Variants in TBL1X observed in about 807,000 individuals in gnomAD.
The protein encoded by TBL1X is F-box-like/WD repeat-containing protein TBL1X.
Under a neutral mutation model 50.7 loss-of-function variants are expected in TBL1X, and 10 were observed. That is an observed-to-expected ratio of 0.20 (90% CI 0.12 to 0.33). The LOEUF is 0.33. Among genes scored for constraint, TBL1X ranks in the 10% least tolerant of loss-of-function variants. TBL1X has a pLI of 1.00. For synonymous variants in TBL1X, 190 were observed against 214.7 expected (o/e 0.88, Z 1.01); for missense variants, 340 against 504.4 (o/e 0.67, Z 3.12).
intron 1 of TBL1X, among the ~76,000 whole-genome samples, chrX:9,494,767 A>G (rs891114297): frequency 2.7e-5 from 3 of 111,425 alleles, no homozygotes; most frequent in African/African-American, 6.5e-5. Context: ...GTTAAAATCT[A>G]TTTGGTTCAT....
At chrX:9,563,932 C>G (rs369234358) in intron 2 of TBL1X, among the ~76,000 whole-genome samples, 46 of 112,488 alleles carry the variant, frequency 4.1e-4, no homozygotes, top group African/African-American at 1.4e-3. Flanking sequence ...AGAACATTAG[C>G]ATAAAGGAAG....
chrX:9,514,892 C>G (rs1405761099), intron 2 of TBL1X, among the ~76,000 whole-genome samples: 2 of 112,083 alleles, frequency 1.8e-5, no homozygotes, highest in Non-Finnish European at 3.8e-5. Flanking sequence ...GAGGATTGAG[C>G]AGAAGAGCTC....
intron 1 of TBL1X, among the ~76,000 whole-genome samples, chrX:9,480,798 GA>G (rs1172792296): frequency 1.2e-5 from 1 of 83,523 alleles, no homozygotes; most frequent in African/African-American, 5.0e-5. Flanking sequence ...TAACCTTCCA[GA>G]TATTAAATAC....
intron 2 of TBL1X, among the ~76,000 whole-genome samples, chrX:9,555,324 C>T (rs2082291363): frequency 9.0e-6 from 1 of 111,636 alleles, no homozygotes; most frequent in African/African-American, 3.3e-5. Context: ...AGCGATCCTC[C>T]TGTTTCAGCC....
chrX:9,624,704 A>G (rs1569078858), intron 2 of TBL1X, among the ~76,000 whole-genome samples: 1 of 112,072 alleles, frequency 8.9e-6, no homozygotes, highest in Non-Finnish European at 1.9e-5. Flanking sequence ...TTAGACTGGT[A>G]AAGTGGGAAT....
At chrX:9,660,510 C>T (rs1346382585) in intron 5 of TBL1X, among the ~76,000 whole-genome samples, 1 of 112,125 alleles carries the variant, frequency 8.9e-6, no homozygotes, top group Admixed American at 9.4e-5. Context: ...TCTGGCTTAG[C>T]TCTAAAGATT....
intron 5 of TBL1X, among the ~76,000 whole-genome samples, chrX:9,655,876 C>T (rs973117768): frequency 2.7e-5 from 3 of 112,218 alleles, no homozygotes; most frequent in African/African-American, 9.7e-5. Flanking sequence ...TTCATTTGAG[C>T]CTGGGTTTCC....
intron 3 of TBL1X, among the ~76,000 whole-genome samples, chrX:9,647,910 A>G (rs758641752): frequency 1.4e-4 from 16 of 111,899 alleles, no homozygotes; most frequent in Non-Finnish European, 2.6e-4. Flanking sequence ...TGGAGGAGCT[A>G]AAATACCAGC....
intron 17 of TBL1X, among the ~76,000 whole-genome samples, chrX:9,715,404 A>ATAAT (rs1156743920): frequency 9.0e-6 from 1 of 111,578 alleles, no homozygotes; most frequent in African/African-American, 3.3e-5. Flanking sequence ...AACCTAGATG[A>ATAAT]TAATACCTGT....
chrX:9,568,994 CTG>C (rs1229444442), intron 2 of TBL1X, among the ~76,000 whole-genome samples: 4 of 102,314 alleles, frequency 3.9e-5, no homozygotes, highest in African/African-American at 1.5e-4. Flanking sequence ...GTGCGGTGTG[CTG>C]TGTGTGTGTC....
At chrX:9,693,095 G>C (rs1165467057) in intron 9 of TBL1X, 54 bp from the exon 10 acceptor site, 53 of 1,186,568 alleles carry the variant, frequency 4.5e-5, no homozygotes, top group Non-Finnish European at 5.5e-5. Flanking sequence ...AGCTGCTTCG[G>C]TGCTGCCGCT....
intron 1 of TBL1X, among the ~76,000 whole-genome samples, chrX:9,492,881 GTGTGTGTGTGT>G (rs2081953091): frequency 5.3e-5 from 3 of 56,483 alleles, no homozygotes; most frequent in Non-Finnish European, 9.8e-5. Context: ...GTGTGTGTGT[GTGTGTGTGTGT>G]GTGTGTAGGG....
At chrX:9,698,978 G>A (rs2083151925) in intron 12 of TBL1X, among the ~76,000 whole-genome samples, 1 of 111,124 alleles carries the variant, frequency 9.0e-6, no homozygotes, top group African/African-American at 3.3e-5. Flanking sequence ...GTCGTTTTGG[G>A]TTTTTTTGTT....
intron 1 of TBL1X, among the ~76,000 whole-genome samples, chrX:9,489,993 G>A (rs2081932377): frequency 9.0e-6 from 1 of 111,187 alleles, no homozygotes. Context: ...TTTTGAGACA[G>A]GATCTCACTG....
chrX:9,473,179 A>G lies in TBL1X; in HGVS notation c.-201+7732A>G, dbSNP rs771378706. ...GCTATAAAAGTCCAGGTGGCTTCAC[A>G]GTTTCAGATTGTATTTCCCGAAAGC... On this transcript the variant is annotated intron_variant, in intron 1 of 17. Coordinates refer to ENST00000645353, the MANE Select transcript of TBL1X (RefSeq NM_005647.4). Among the ~76,000 whole-genome samples the G allele has an allele frequency of 8.1e-5, 9 of 111,793 alleles. No individual in the cohort carries two copies. In the South Asian group the frequency reaches 3.3e-3, roughly 41 times the overall value.
intron 2 of TBL1X, among the ~76,000 whole-genome samples, chrX:9,633,708 CAT>C (rs1470852045): frequency 1.8e-5 from 2 of 112,421 alleles, no homozygotes; most frequent in African/African-American, 6.5e-5. Context: ...TTGGAGAACA[CAT>C]AGTCTTTTAA....
chrX:9,692,548 C>T (rs2083104871), intron 9 of TBL1X, among the ~76,000 whole-genome samples: 1 of 112,442 alleles, frequency 8.9e-6, no homozygotes, highest in Non-Finnish European at 1.9e-5. Context: ...GCTGGGATTA[C>T]AGGCTCATGC....
chrX:9,478,883 G>C (rs2081863926), intron 1 of TBL1X, among the ~76,000 whole-genome samples: 1 of 112,424 alleles, frequency 8.9e-6, no homozygotes, highest in Non-Finnish European at 1.9e-5. Context: ...CCTTAGTTAA[G>C]GCTTATTGAT....
intron 2 of TBL1X, among the ~76,000 whole-genome samples, chrX:9,541,048 A>T (rs1387197554): frequency 8.9e-6 from 1 of 112,049 alleles, no homozygotes; most frequent in Non-Finnish European, 1.9e-5. Flanking sequence ...CTCGCCAGGG[A>T]AAAGAAGGAG....
Sources: allele counts gnomAD v4.1 joint callset (sites outside exome capture counted in the v4.1 genomes callset), GRCh38; gene constraint gnomAD v4.1.1; transcripts MANE v1.5; gene names NCBI Gene and HGNC (gene_info 2026-07-23, HGNC 2026-07-21).